The following KCNT2 variants were observed in gnomAD, a reference collection of about 807,000 sequenced individuals.
KCNT2 encodes the protein potassium sodium-activated channel subfamily T member 2, also known as potassium channel subfamily T member 2.
KCNT2 carries 67 observed loss-of-function variants against 153.8 expected under a neutral mutation model. That is an observed-to-expected ratio of 0.44 (90% CI 0.36 to 0.53). KCNT2 has a LOEUF of 0.53. Among genes scored for constraint, KCNT2 ranks in the 20% least tolerant of loss-of-function variants. The probability of loss-of-function intolerance (pLI) is 0.00; values close to 1 mark genes in which losing one functional copy is unlikely to be tolerated. For missense variants in KCNT2, 975 were observed against 1,354.8 expected, an observed-to-expected ratio of 0.72 and a Z score of 4.40; for synonymous variants, 500 against 458.8, an observed-to-expected ratio of 1.09 and a Z score of -1.15.
chr1:196,581,405 G>A (rs1349008022), intron 1 of KCNT2, among the ~76,000 whole-genome samples: 8 of 152,006 alleles, frequency 5.3e-5, no homozygotes, highest in Admixed American at 3.9e-4. Context: ...AAATACACAT[G>A]TATATTCCAA....
intron 13 of KCNT2, among the ~76,000 whole-genome samples, chr1:196,392,940 A>C (rs1297923718): frequency 6.6e-6 from 1 of 151,330 alleles, no homozygotes; most frequent in African/African-American, 2.4e-5. Context: ...ACTAACTCCT[A>C]CTGTTCTGGT....
At chr1:196,230,571 C>A (rs972122045) in intron 27 of KCNT2, among the ~76,000 whole-genome samples, 1 of 151,876 alleles carries the variant, frequency 6.6e-6, no homozygotes, top group African/African-American at 2.4e-5. Context: ...GAAATATCAA[C>A]ATTAACAGAA....
intron 1 of KCNT2, among the ~76,000 whole-genome samples, chr1:196,520,865 T>C (rs1653284038): frequency 6.6e-6 from 1 of 152,076 alleles, no homozygotes; most frequent in Non-Finnish European, 1.5e-5. Context: ...ACCTAGGTAA[T>C]ACCATTTAGG....
chr1:196,483,835 A>G (rs568739720), intron 3 of KCNT2, among the ~76,000 whole-genome samples: 12 of 152,178 alleles, frequency 7.9e-5, no homozygotes, highest in Non-Finnish European at 1.6e-4. Context: ...TTTACTCACC[A>G]TTATAAACCC....
At chr1:196,370,271 T>C (rs1668408054) in intron 14 of KCNT2, among the ~76,000 whole-genome samples, 1 of 151,878 alleles carries the variant, frequency 6.6e-6, no homozygotes, top group Admixed American at 6.6e-5. Context: ...CACTCAAATG[T>C]AAATAAAGTG....
At chr1:196,569,361 G>C (rs1276521258) in intron 1 of KCNT2, among the ~76,000 whole-genome samples, 1 of 152,048 alleles carries the variant, frequency 6.6e-6, no homozygotes, top group Non-Finnish European at 1.5e-5. Flanking sequence ...ATATTTGGCA[G>C]TGTCTGTTCC....
rs114283526 is a variant in KCNT2 at position 196,454,748 on chromosome 1, C to T, written c.638+10545G>A. 4.5e-3 allele frequency among the ~76,000 whole-genome samples: 691 copies of T among 152,036 alleles called. 4 individuals are homozygous for T. Among genetic ancestry groups the T allele is most frequent in the African/African-American group, 0.015 (640 of 41,510 alleles). On this transcript the variant is annotated intron_variant, in intron 8 of 27. Coordinates refer to ENST00000294725, the MANE Select transcript of KCNT2 (RefSeq NM_198503.5). The stretch of plus-strand genomic sequence containing the variant: ...AGGAAAAAAAAATTACCACAAACAG[C>T]ATTTAAAAAATTTACCACAAATAGC...
chr1:196,481,421 C>T (rs143266589), intron 4 of KCNT2, among the ~76,000 whole-genome samples: 13 of 152,218 alleles, frequency 8.5e-5, no homozygotes, highest in African/African-American at 3.1e-4. Flanking sequence ...CTCAAAATAG[C>T]TAAGTAATAA....
intron 14 of KCNT2, among the ~76,000 whole-genome samples, chr1:196,365,192 G>A (rs1667937843): frequency 6.6e-6 from 1 of 151,990 alleles, no homozygotes; most frequent in Non-Finnish European, 1.5e-5. Context: ...TATACTAATA[G>A]AAGTTAACAA....
chr1:196,426,427 T>A (rs367943759), intron 10 of KCNT2, among the ~76,000 whole-genome samples: 1 of 152,066 alleles, frequency 6.6e-6, no homozygotes, highest in Admixed American at 6.6e-5. Context: ...TATATAATTA[T>A]GAAACAATAA....
intron 12 of KCNT2, among the ~76,000 whole-genome samples, chr1:196,401,285 C>A (rs1034407540): frequency 3.3e-5 from 5 of 151,652 alleles, no homozygotes; most frequent in Non-Finnish European, 5.9e-5. Context: ...AACACAATAT[C>A]CAAAATACGA....
At chr1:196,577,787 G>C (rs751807927) in intron 1 of KCNT2, among the ~76,000 whole-genome samples, 3 of 151,954 alleles carry the variant, frequency 2.0e-5, no homozygotes, top group Admixed American at 6.6e-5. Flanking sequence ...GACCTAAAAG[G>C]ATCAAACTGT....
intron 18 of KCNT2, 42 bp from the exon 19 acceptor site, chr1:196,326,931 T>G (rs751923354): frequency 1.1e-5 from 12 of 1,133,208 alleles, no homozygotes; most frequent in Non-Finnish European, 1.4e-5. Context: ...ATTTGGATAC[T>G]TCATTAAAAT....
At chr1:196,402,632 C>T (rs1671511240) in intron 12 of KCNT2, among the ~76,000 whole-genome samples, 7 of 151,276 alleles carry the variant, frequency 4.6e-5, no homozygotes, top group Admixed American at 4.6e-4. Flanking sequence ...TTAGAGGAAA[C>T]AAACAAAACA....
chr1:196,322,013 T>C (rs985766112), intron 19 of KCNT2, among the ~76,000 whole-genome samples: 1 of 151,934 alleles, frequency 6.6e-6, no homozygotes, highest in African/African-American at 2.4e-5. Context: ...GCATTATTAT[T>C]GAAAAACATT....
At chr1:196,508,161 G>GAATCTTTT (rs1244600546) in intron 1 of KCNT2, among the ~76,000 whole-genome samples, 3 of 63,984 alleles carry the variant, frequency 4.7e-5, no homozygotes, top group African/African-American at 1.9e-4. Context: ...TTAAATAAAT[G>GAATCTTTT]AATCTTTTTA....
chr1:196,282,123 A>C (rs1659168512), intron 24 of KCNT2, 150 bp downstream of exon 24: 2 of 476,406 alleles, frequency 4.2e-6, no homozygotes, highest in Admixed American at 7.7e-5. Context: ...TTTCCTTGAA[A>C]TTTTTAAAGG....
intron 22 of KCNT2, among the ~76,000 whole-genome samples, chr1:196,287,228 A>T (rs1366702738): frequency 6.6e-6 from 1 of 152,120 alleles, no homozygotes; most frequent in African/African-American, 2.4e-5. Flanking sequence ...TAACTTGAAC[A>T]GCTCATGTGA....
chr1:196,362,239 G>A (rs142165723), intron 14 of KCNT2, among the ~76,000 whole-genome samples: 60 of 152,138 alleles, frequency 3.9e-4, no homozygotes, highest in African/African-American at 1.3e-3. Flanking sequence ...AGGAGTTTAG[G>A]ATTAAAGGGA....
Sources: gnomAD v4.1 joint callset for allele counts (sites outside exome capture counted in the v4.1 genomes callset) on GRCh38, gnomAD v4.1.1 for gene constraint, MANE v1.5 for transcripts, NCBI Gene and HGNC (gene_info 2026-07-23, HGNC 2026-07-21) for gene names.